TNKS: variants seen among roughly 807,000 people sequenced by gnomAD.
TNKS encodes the protein tankyrase, also known as poly [ADP-ribose] polymerase tankyrase-1.
In TNKS, 72 loss-of-function variants were observed where a neutral mutation model predicts 135.8. The ratio of observed to expected loss-of-function variants is 0.53; its 90% CI spans 0.44 to 0.64. The LOEUF is 0.64. Among genes scored for constraint, TNKS ranks in the 30% least tolerant of loss-of-function variants. The pLI is 0.00. For synonymous variants in TNKS, 849 were observed against 649.3 expected (o/e 1.31, Z -4.68); for missense variants, 1,769 against 1,674.0 (o/e 1.06, Z -0.99).
chr8:9,581,755 G>A (rs569994781), intron 2 of TNKS, among the ~76,000 whole-genome samples: 44 of 152,126 alleles, frequency 2.9e-4, no homozygotes, highest in South Asian at 1.0e-3. Context: ...CTGTTTTCCT[G>A]CCTCTACATC....
chr8:9,694,120 G>C (rs1051278443), intron 5 of TNKS, among the ~76,000 whole-genome samples: 1 of 152,128 alleles, frequency 6.6e-6, no homozygotes, highest in Non-Finnish European at 1.5e-5. Flanking sequence ...TCTTCCTTAG[G>C]AAATGCATCG....
chr8:9,576,393 G>A (rs1363129589), intron 1 of TNKS, among the ~76,000 whole-genome samples: 1 of 151,896 alleles, frequency 6.6e-6, no homozygotes, highest in African/African-American at 2.4e-5. Context: ...AATCATGGCA[G>A]AAGGCAAAGG....
intron 26 of TNKS, among the ~76,000 whole-genome samples, chr8:9,772,101 C>G (rs1807939312): frequency 2.8e-5 from 4 of 141,258 alleles, no homozygotes; most frequent in Admixed American, 2.1e-4. Flanking sequence ...GAGGGAGAAA[C>G]AGGGAAGGAC....
intron 2 of TNKS, among the ~76,000 whole-genome samples, chr8:9,600,035 ATT>A (rs1422446339): frequency 6.6e-6 from 1 of 152,218 alleles, no homozygotes; most frequent in African/African-American, 2.4e-5. Context: ...ATCTCTAAAA[ATT>A]ATGTGCATAG....
intron 3 of TNKS, among the ~76,000 whole-genome samples, chr8:9,634,309 A>G (rs1174959164): frequency 3.9e-5 from 6 of 152,258 alleles, no homozygotes; most frequent in African/African-American, 1.4e-4. Flanking sequence ...AAAAACACCT[A>G]AAATTTGAAT....
rs1807441512 is a variant in TNKS at position 9,766,273 on chromosome 8, G to C, written c.3588G>C (p.Gly1196=). The C allele has an allele frequency of 6.2e-7, 1 of 1,613,124 alleles. No individual in the cohort carries two copies. The highest frequency in any genetic ancestry group is 1.3e-5 in the African/African-American group (1 of 74,850). ...TCATTAATGCCATTATTCATAAAGG[G>C]TTTGATGAGCGACATGCATACATAG... ...SPFINAIIHK[G]FDERHAYIGG... is the part of the protein sequence containing the mutation. The change falls in exon 25 of 27, where the codon GGG becomes GGC. Residue 1196 remains glycine (G), a synonymous_variant. Coordinates refer to ENST00000310430, the MANE Select transcript of TNKS (RefSeq NM_003747.3).
intron 1 of TNKS, among the ~76,000 whole-genome samples, chr8:9,569,299 C>A (rs868155608): frequency 2.5e-4 from 38 of 152,220 alleles, no homozygotes; most frequent in South Asian, 4.1e-4. Context: ...CATAAGTGTA[C>A]CGGGAGGTGA....
At chr8:9,639,099 A>G (rs1800628083) in intron 3 of TNKS, among the ~76,000 whole-genome samples, 1 of 152,188 alleles carries the variant, frequency 6.6e-6, no homozygotes, top group Non-Finnish European at 1.5e-5. Flanking sequence ...GACTTTTATC[A>G]TCATACTCTG....
At chr8:9,576,263 C>T (rs1029808246) in intron 1 of TNKS, among the ~76,000 whole-genome samples, 9 of 152,118 alleles carry the variant, frequency 5.9e-5, no homozygotes. Flanking sequence ...TTAGTCCATT[C>T]TCACACTGCT....
chr8:9,598,765 G>GTGTATA (rs1449352201), intron 2 of TNKS, among the ~76,000 whole-genome samples: 55 of 49,550 alleles, frequency 1.1e-3, no homozygotes, highest in Non-Finnish European at 1.8e-3. Context: ...ATGTGTGTGT[G>GTGTATA]TATATATATA....
intron 17 of TNKS, among the ~76,000 whole-genome samples, chr8:9,745,368 A>T (rs924788229): frequency 2.0e-5 from 3 of 152,102 alleles, no homozygotes; most frequent in African/African-American, 7.2e-5. Flanking sequence ...TAGTCTGATT[A>T]TGCTGCTTAT....
At chr8:9,576,744 A>C (rs1462730755) in intron 1 of TNKS, among the ~76,000 whole-genome samples, 1 of 152,116 alleles carries the variant, frequency 6.6e-6, no homozygotes, top group African/African-American at 2.4e-5. Context: ...CACAGAGCCA[A>C]ACCATATCAG....
intron 11 of TNKS, chr8:9,710,541 AAC>A (rs1394983595): frequency 3.6e-5 from 17 of 471,470 alleles, no homozygotes; most frequent in Non-Finnish European, 3.7e-6. Flanking sequence ...CCACTTGAAT[AAC>A]AGTTTATCAG....
intron 5 of TNKS, among the ~76,000 whole-genome samples, chr8:9,689,393 A>G (rs1803157279): frequency 6.6e-6 from 1 of 152,350 alleles, no homozygotes; most frequent in Admixed American, 6.5e-5. Flanking sequence ...AAGCACTGTA[A>G]ATACTATGCA....
chr8:9,620,556 C>A (rs2128767376), intron 3 of TNKS, among the ~76,000 whole-genome samples: 1 of 152,292 alleles, frequency 6.6e-6, no homozygotes, highest in South Asian at 2.1e-4. Context: ...TAACAGTGGC[C>A]TGTCCTGATC....
At chr8:9,621,626 T>G (rs568856128) in intron 3 of TNKS, among the ~76,000 whole-genome samples, 4 of 152,290 alleles carry the variant, frequency 2.6e-5, no homozygotes, top group Non-Finnish European at 5.9e-5. Flanking sequence ...TCTGTTAGTT[T>G]GCTGTTTTGC....
At chr8:9,634,069 T>G (rs1375256114) in intron 3 of TNKS, among the ~76,000 whole-genome samples, 1 of 136,224 alleles carries the variant, frequency 7.3e-6, no homozygotes, top group African/African-American at 2.8e-5. Flanking sequence ...GAAAAAAAAC[T>G]CATTTAACTG....
intron 3 of TNKS, among the ~76,000 whole-genome samples, chr8:9,629,947 G>A (rs1431027688): frequency 3.3e-5 from 5 of 152,164 alleles, no homozygotes; most frequent in Non-Finnish European, 7.3e-5. Context: ...CTCCCAAAGT[G>A]CTGGGATTAC....
chr8:9,662,054 C>G (rs1158495130), intron 3 of TNKS, among the ~76,000 whole-genome samples: 1 of 152,188 alleles, frequency 6.6e-6, no homozygotes, highest in East Asian at 1.9e-4. Flanking sequence ...ATCTCACACA[C>G]CTGTTAGAAT....
Sources: allele counts gnomAD v4.1 joint callset (sites outside exome capture counted in the v4.1 genomes callset), GRCh38; gene constraint gnomAD v4.1.1; transcripts MANE v1.5; gene names NCBI Gene and HGNC (gene_info 2026-07-23, HGNC 2026-07-21).